The following ICE2 variants were observed in gnomAD, a reference collection of about 807,000 sequenced individuals.
ICE2 encodes the protein little elongation complex subunit 2.
Under a neutral mutation model 105.4 loss-of-function variants are expected in ICE2, and 87 were observed. That is an observed-to-expected ratio of 0.83 (90% CI 0.69 to 0.99). The LOEUF (loss-of-function observed/expected upper bound fraction) is 0.99, where lower values mean the gene tolerates loss of function less well. Among genes scored for constraint, ICE2 ranks in the 50% least tolerant of loss-of-function variants. The pLI, the probability that ICE2 is intolerant of heterozygous loss-of-function variation, is 0.00. For missense variants in ICE2, 1,323 were observed against 1,146.7 expected (o/e 1.15, Z -2.22); for synonymous variants, 399 against 392.0 (o/e 1.02, Z -0.21).
At chr15:60,473,765 A>G (rs556616012) in intron 3 of ICE2, among the ~76,000 whole-genome samples, 118 of 152,370 alleles carry the variant, frequency 7.7e-4, no homozygotes, top group Non-Finnish European at 2.5e-4. Context: ...AATAGTTTTT[A>G]AAAATATCCA....
At chr15:60,464,254 T>A (rs1461472536) in intron 5 of ICE2, among the ~76,000 whole-genome samples, 1 of 152,228 alleles carries the variant, frequency 6.6e-6, no homozygotes, top group East Asian at 1.9e-4. Context: ...AAGTACAGTT[T>A]TATATTCACC....
chr15:60,442,289 A>T, intron 12 of ICE2, 127 bp downstream of exon 12: 1 of 858,522 alleles, frequency 1.2e-6, no homozygotes, highest in Non-Finnish European at 1.8e-6. Context: ...TGAGACCCTA[A>T]AACTAATAAA....
At chr15:60,465,125 T>G (rs2064386007) in intron 5 of ICE2, among the ~76,000 whole-genome samples, 1 of 152,192 alleles carries the variant, frequency 6.6e-6, no homozygotes, top group Non-Finnish European at 1.5e-5. Flanking sequence ...AAAATCAAAT[T>G]CGTTTATTTA....
chr15:60,459,606 T>C (rs941729248), intron 5 of ICE2, among the ~76,000 whole-genome samples: 1 of 152,084 alleles, frequency 6.6e-6, no homozygotes, highest in Non-Finnish European at 1.5e-5. Context: ...AACCTGTAGA[T>C]AAATTAAAAC....
At chr15:60,450,594 G>C (rs951571158) in intron 9 of ICE2, among the ~76,000 whole-genome samples, 2 of 152,118 alleles carry the variant, frequency 1.3e-5, no homozygotes, top group African/African-American at 4.8e-5. Context: ...TTTCATAACT[G>C]GTTATGTACA....
At chr15:60,449,907 C>T in intron 9 of ICE2, 66 bp from the exon 10 acceptor site, 2 of 1,130,878 alleles carry the variant, frequency 1.8e-6, no homozygotes, top group Admixed American at 2.1e-5. Flanking sequence ...CTCTTAATGT[C>T]CCTATCCCTG....
chr15:60,457,985 C>T, intron 5 of ICE2, among the ~76,000 whole-genome samples: 1 of 152,142 alleles, frequency 6.6e-6, no homozygotes, highest in Admixed American at 6.5e-5. Context: ...ATTCTTGTTA[C>T]ATATTCATTG....
chr15:60,468,095 A>G lies in ICE2; in HGVS notation c.374T>C (p.Val125Ala). ...YAKIPANSKAVGINKNDYLQY... is the reference protein window; with the variant it reads ...YAKIPANSKAAGINKNDYLQY... The stretch of plus-strand genomic sequence containing the variant: ...CAAGTAGTCATTTTTATTTATTCCA[A>G]CAGCTTTGGAATTTGCAGGAATCTT... The change falls in exon 4 of 16, where the codon GTT (valine) becomes GCT (alanine). Residue 125 changes from valine (V) to alanine (A), a missense_variant. Transcript: ENST00000261520. 6.2e-7 allele frequency: 1 copy of G among 1,613,622 alleles called. No homozygotes were observed. Among genetic ancestry groups the G allele is most frequent in the South Asian group, 1.1e-5 (1 of 90,880 alleles).
At chr15:60,432,099 G>C (rs189669990) in intron 13 of ICE2, 115 bp from the exon 14 acceptor site, 2 of 355,908 alleles carry the variant, frequency 5.6e-6, no homozygotes, top group South Asian at 3.6e-5. Flanking sequence ...CAGCGGATGA[G>C]ATAATGTAAT....
chr15:60,426,296 C>T (rs1163051495), intron 15 of ICE2, among the ~76,000 whole-genome samples: 8 of 152,118 alleles, frequency 5.3e-5, no homozygotes, highest in African/African-American at 2.4e-5. Flanking sequence ...ACCTTGTCTA[C>T]GTTTAGATAT....
At chr15:60,431,096 T>C (rs2063448903) in intron 14 of ICE2, among the ~76,000 whole-genome samples, 1 of 151,926 alleles carries the variant, frequency 6.6e-6, no homozygotes, top group Non-Finnish European at 1.5e-5. Flanking sequence ...ATGGTCTCCA[T>C]CTCCTGACCT....
At chr15:60,459,689 C>G (rs1566998548) in intron 5 of ICE2, among the ~76,000 whole-genome samples, 1 of 152,048 alleles carries the variant, frequency 6.6e-6, no homozygotes, top group Non-Finnish European at 1.5e-5. Context: ...AAATAGCATA[C>G]AAGTCAAGAG....
chr15:60,436,116 T>C, intron 13 of ICE2, 27 bp downstream of exon 13: 1 of 973,598 alleles, frequency 1.0e-6, no homozygotes, highest in Non-Finnish European at 1.5e-6. Context: ...AATTTTTCAA[T>C]TCTCACCACA....
intron 12 of ICE2, chr15:60,440,732 A>C (rs2063700191): frequency 1.3e-5 from 2 of 152,186 alleles, no homozygotes; most frequent in Non-Finnish European, 2.9e-5. Flanking sequence ...AGAGTATTAT[A>C]ACATTTTTAA....
chr15:60,455,052 G>A lies in ICE2; in HGVS notation c.894C>T (p.Tyr298=). The A allele has an allele frequency of 6.3e-7, 1 of 1,595,648 alleles. No homozygotes were observed. The highest frequency in any genetic ancestry group is 2.2e-5 in the East Asian group (1 of 44,652). Residue 298 remains tyrosine (Y), a synonymous_variant, in exon 8 of 16, where the codon TAC becomes TAT. Transcript: ENST00000261520. The part of the protein sequence containing the change: ...FTLLNNHGPT[Y]KEQWEIPVCI... ...ACACTGGAATTTCCCACTGTTCCTT[G>A]TACGTTGGTCCATGATTATTTAATA...
At chr15:60,478,813 G>A (rs1012096000) in intron 1 of ICE2, 190 bp downstream of exon 1, 4 of 376,460 alleles carry the variant, frequency 1.1e-5, no homozygotes, top group Non-Finnish European at 2.2e-5. Context: ...CGCAAAGAGA[G>A]GGGAAACAAG....
chr15:60,431,133 A>G (rs536159001), intron 14 of ICE2, among the ~76,000 whole-genome samples: 8 of 151,754 alleles, frequency 5.3e-5, no homozygotes, highest in South Asian at 2.1e-4. Flanking sequence ...CGGCCTCCCA[A>G]AGTGCTGGGA....
rs755140958 is a variant in ICE2, at chr15:60,432,019, T to G, written c.2511-35A>C. 1.2e-5 allele frequency: 14 copies of G among 1,212,524 alleles called. No homozygotes were observed. In the South Asian group the frequency reaches 1.8e-4, roughly 16 times the overall value. The allele number at this position is 1,212,524 out of a possible 1,614,324, so 75.1% of individuals were successfully genotyped here. On this transcript the variant is annotated intron_variant, in intron 13 of 15. Transcript: ENST00000261520. ...AAAAGAAATTCATGTAAAATTAAAC[T>G]GCAAAAAACTTACTTTTAGCAATTA...
Position 60,468,183 on chromosome 15 carries a change from G to C in ICE2, c.286C>G (p.Arg96Gly), listed in dbSNP as rs1349298976. 25 of 1,614,064 alleles carry C rather than the reference G, an allele frequency of 1.5e-5. No individual in the cohort carries two copies. The highest frequency in any genetic ancestry group is 2.1e-5 in the Non-Finnish European group (25 of 1,179,984). Residue 96 changes from arginine to glycine, a missense_variant, in exon 4 of 16, where the codon CGT becomes GGT. By Grantham distance (125) the Arg-to-Gly change is moderately radical (BLOSUM62 -2). Transcript: ENST00000261520. ...LLPKPRVPYPRFSRFSQREQR... is the reference protein window; with the variant it reads ...LLPKPRVPYPGFSRFSQREQR... ...TCTCTCTGTGAGAAACGAGAGAAAC[G>C]AGGATAAGGAACTCTTGGTTTTGGA...
Sources: allele counts gnomAD v4.1 joint callset (sites outside exome capture counted in the v4.1 genomes callset), GRCh38; gene constraint gnomAD v4.1.1; transcripts MANE v1.5; gene names NCBI Gene and HGNC (gene_info 2026-07-23, HGNC 2026-07-21).